RNF44: variants seen among roughly 807,000 people sequenced by gnomAD.
RNF44 encodes ring finger protein 44.
A neutral mutation model predicts 53.6 loss-of-function variants in RNF44; 25 were observed. That is an observed-to-expected ratio of 0.47 (90% CI 0.34 to 0.65). RNF44 has a LOEUF of 0.65. Among genes scored for constraint, RNF44 ranks in the 30% least tolerant of loss-of-function variants. The pLI is 0.01. For synonymous variants in RNF44, 282 were observed against 252.2 expected, an observed-to-expected ratio of 1.12 and a Z score of -1.12; for missense variants, 581 against 595.5, an observed-to-expected ratio of 0.98 and a Z score of 0.25.
chr5:176,541,172 A>G (rs535152184), upstream of RNF44, among the ~76,000 whole-genome samples: 17 of 152,300 alleles, frequency 1.1e-4, no homozygotes, highest in African/African-American at 4.1e-4. Context: ...CTGCTCTGGC[A>G]TCTGCTGTGA....
chr5:176,533,280 G>T (rs1267307383), intron 1 of RNF44, among the ~76,000 whole-genome samples: 1 of 152,150 alleles, frequency 6.6e-6, no homozygotes. Flanking sequence ...TGCCCTCGGG[G>T]GCTTCCAGTC....
At chr5:176,532,239 C>T (rs777323418) in intron 2 of RNF44, 46 bp from the exon 3 acceptor site, 65 of 1,497,180 alleles carry the variant, frequency 4.3e-5, no homozygotes, top group East Asian at 3.2e-4. Context: ...GGGGGCCACT[C>T]GTGCACAGAG....
chr5:176,529,211 G>A, intron 10 of RNF44, 77 bp downstream of exon 10: 1 of 1,553,254 alleles, frequency 6.4e-7, no homozygotes. Flanking sequence ...CAAGGACAAG[G>A]AGGGAAACAG....
chr5:176,529,960 A>AG (rs1382579723), intron 7 of RNF44, 122 bp downstream of exon 7: 3 of 1,391,568 alleles, frequency 2.2e-6, no homozygotes, highest in African/African-American at 2.9e-5. Flanking sequence ...TGTCAGGTTA[A>AG]GGGGGGAACG....
rs767749902 is a variant in RNF44, at chr5:176,531,600, T to C, written c.328A>G (p.Thr110Ala). Reference sequence around the variant, plus strand: ...CCTTGGGTCGTCACTGTGGTGACCGTGTAGGACAGAGGGACAGGTCCCTGG... The same window carrying C: ...CCTTGGGTCGTCACTGTGGTGACCGCGTAGGACAGAGGGACAGGTCCCTGG... ...VHQGPVPLSY[T>A]VTTVTTQGFP... is the part of the protein sequence containing the mutation. Residue 110 changes from threonine (T) to alanine (A), a missense_variant, in exon 4 of 11, where the codon ACG (threonine) becomes GCG (alanine). Thr to Ala is a moderately conservative substitution (Grantham distance 58). Coordinates refer to ENST00000274811, the MANE Select transcript of RNF44 (RefSeq NM_014901.5). This position sits in a 1 kb window ranked among gnomAD's most constrained non-coding sequence, Gnocchi z 4.2. 12 of 1,613,218 alleles carry C rather than the reference T, an allele frequency of 7.4e-6. No homozygotes were observed. The highest frequency in any genetic ancestry group is 1.6e-4 in the Middle Eastern group (1 of 6,078).
upstream of RNF44, chr5:176,542,898 G>A (rs1295897602): frequency 1.3e-5 from 2 of 152,210 alleles, no homozygotes; most frequent in African/African-American, 4.8e-5. Context: ...GGACGGACAT[G>A]GCGAGGCCAA....
At position 176,531,123 on chromosome 5, in the gene RNF44, G is replaced by C. The variant is rs1181207935; in HGVS notation, c.466-102C>G. ...AAGGCCCCCACCGGGCACACACCCA[G>C]CAGCTCCAGGGTCTGTATAAGAAAC... On this transcript the variant is annotated intron_variant, in intron 4 of 10. Coordinates refer to ENST00000274811, the MANE Select transcript of RNF44 (RefSeq NM_014901.5). This position sits in a 1 kb window ranked among gnomAD's most constrained non-coding sequence, Gnocchi z 4.2. The C allele has an allele frequency of 1.2e-6, 1 of 823,040 alleles. No individual in the cohort carries two copies. The highest frequency in any genetic ancestry group is 1.8e-5 in the African/African-American group (1 of 56,556). The allele number at this position is 823,040 out of a possible 1,614,324, so 51.0% of individuals were successfully genotyped here.
Position 176,529,552 on chromosome 5 carries a change from G to C in RNF44, c.1107C>G (p.Asn369Lys). ...TCTGCTCCGACTGATGGCTGTCCGG[G>C]TTAAAGCGGTACGACGGGAGCTGCT... ...DIEQLPSYRF[N>K]PDSHQSEQTL... The change falls in exon 9 of 11, where the codon AAC (asparagine) becomes AAG (lysine). Residue 369 changes from asparagine to lysine, a missense_variant. Transcript: ENST00000274811. The C allele has an allele frequency of 6.2e-7, 1 of 1,614,066 alleles. No individual in the cohort carries two copies. Among genetic ancestry groups the C allele is most frequent in the Non-Finnish European group, 8.5e-7 (1 of 1,180,014 alleles).
chr5:176,531,853 C>G lies in RNF44; in HGVS notation c.297+151G>C. 4 of 944,778 alleles carry G rather than the reference C, an allele frequency of 4.2e-6. No individual in the cohort carries two copies. The highest frequency in any genetic ancestry group is 1.6e-6 in the Non-Finnish European group (1 of 641,094). The allele number at this position is 944,778 out of a possible 1,614,324, so 58.5% of individuals were successfully genotyped here. On this transcript the variant is annotated intron_variant, in intron 3 of 10. Transcript: ENST00000274811. This position sits in a 1 kb window ranked among gnomAD's most constrained non-coding sequence, Gnocchi z 4.2. ...TAGTCACCCAGTGTGGCCCTTTCCCCGGGCCTCAGTTTACCTACCTGTAAA... is the reference window on the plus strand; with the variant it reads ...TAGTCACCCAGTGTGGCCCTTTCCCGGGGCCTCAGTTTACCTACCTGTAAA...
Position 176,530,900 on chromosome 5 carries a change from TG to T in RNF44, c.586del (p.His196ThrfsTer77). 1.0e-5 allele frequency: 1 copy of T among 96,368 alleles called. No homozygotes were observed. Among genetic ancestry groups the T allele is most frequent in the Non-Finnish European group, 1.9e-5 (1 of 53,384 alleles). 6.0% of individuals were successfully genotyped at this position (96,368 alleles called of 1,614,324 possible). A position where few individuals can be genotyped will look rare whatever the true frequency, so the allele number is the denominator to read the frequency against. On this transcript the variant is annotated frameshift_variant, in exon 5 of 11. Transcript: ENST00000274811. LOFTEE classifies it high-confidence loss of function. ...PPPAPPPQPT[H>X]MAPLGQFVSL... ...CACAAACTGCCCCAGGGGCGCCATG[TG>T]GGTGGGCTGGGGGGGTGGGGCCGGT...
chr5:176,541,255 C>T (rs895728808), upstream of RNF44, among the ~76,000 whole-genome samples: 5 of 152,294 alleles, frequency 3.3e-5, no homozygotes, highest in South Asian at 2.1e-4. Flanking sequence ...ATCCTCTCCT[C>T]ATCATGTTCT....
chr5:176,541,372 C>T (rs1235305861), upstream of RNF44, among the ~76,000 whole-genome samples: 1 of 152,184 alleles, frequency 6.6e-6, no homozygotes, highest in African/African-American at 2.4e-5. Context: ...ATCCCATTCT[C>T]ATCTCACATT....
In RNF44 at chr5:176,528,801, T is replaced by TGGCGGGCG; in HGVS notation, c.*219_*226dup. ...GATCAGGGACACTCAGGCAGCTCCG[T>TGGCGGGCG]GGCGGGCGGGCAGGCAGGCAGACTA... On this transcript the variant is annotated 3_prime_UTR_variant, in exon 11 of 11. Transcript: ENST00000274811. 2 of 585,012 alleles carry TGGCGGGCG rather than the reference T, an allele frequency of 3.4e-6. No individual in the cohort carries two copies. The highest frequency in any genetic ancestry group is 6.1e-6 in the Non-Finnish European group (2 of 329,544). 36.2% of individuals were successfully genotyped at this position (585,012 alleles called of 1,614,324 possible).
At chr5:176,535,436 A>G (rs1011399973) in intron 1 of RNF44, among the ~76,000 whole-genome samples, 1 of 152,200 alleles carries the variant, frequency 6.6e-6, no homozygotes, top group Non-Finnish European at 1.5e-5. Flanking sequence ...AGCTGGTAAG[A>G]GTGGATCCTG....
rs754599046 is a variant in RNF44 at position 176,530,135 on chromosome 5, C to T, written c.873G>A (p.Pro291=). 1.6e-4 allele frequency: 80 copies of T among 494,576 alleles called. No homozygotes were observed. In the African/African-American group the frequency reaches 3.5e-3, roughly 21 times the overall value. The allele number at this position is 494,576 out of a possible 1,614,324, so 30.6% of individuals were successfully genotyped here. The change falls in exon 7 of 11, where the codon CCG becomes CCA. Residue 291 remains proline (P), a synonymous_variant. Coordinates refer to ENST00000274811, the MANE Select transcript of RNF44 (RefSeq NM_014901.5). ...AGGGTGGTGGGGGTGGGGGTGGGGG[C>T]GGCGGGGGCAGTGGCTGCTGCAGGC... The part of the protein sequence containing the change: ...RYRLQQPLPP[P]PPPPPPPPYY...
At position 176,529,564 on chromosome 5, in the gene RNF44, C is replaced by T. The variant is rs200485021; in HGVS notation, c.1095G>A (p.Ser365=). ...GATGGCTGTCCGGGTTAAAGCGGTA[C>T]GACGGGAGCTGCTCTATGTCTGCTT... ...LTKADIEQLP[S]YRFNPDSHQS... is the part of the protein sequence containing the mutation. Residue 365 remains serine (S), a synonymous_variant, in exon 9 of 11, where the codon TCG becomes TCA. Transcript: ENST00000274811. The T allele has an allele frequency of 1.5e-4, 238 of 1,614,010 alleles. 2 individuals carry two copies. The South Asian group carries it at 2.2e-3, about 15-fold the overall frequency.
chr5:176,543,050 G>A, the RNF44 span, among the ~76,000 whole-genome samples: 1 of 151,902 alleles, frequency 6.6e-6, no homozygotes, highest in Non-Finnish European at 1.5e-5. The surrounding 1 kb of genome is among the most constrained non-coding windows in gnomAD (Gnocchi z 4.0). Context: ...CCCCGAGTTG[G>A]GGCGTTTGGA....
chr5:176,530,680 T>G lies in RNF44; in HGVS notation c.703A>C (p.Thr235Pro). 3 of 1,542,586 alleles carry G rather than the reference T, an allele frequency of 1.9e-6. No individual in the cohort carries two copies. Among genetic ancestry groups the G allele is most frequent in the Non-Finnish European group, 1.7e-6 (2 of 1,147,342 alleles). Residue 235 changes from threonine (T) to proline (P), a missense_variant, in exon 6 of 11, where the codon ACC becomes CCC. Transcript: ENST00000274811. Reference protein sequence around the residue: ...RGDQPSLGSFTYSTSAPGPAL... With the variant: ...RGDQPSLGSFPYSTSAPGPAL... ...GGGCCAGGCGCAGAGGTGGAGTAGG[T>G]GAAGCTGCCCAGGGAGGGCTGGTCC...
chr5:176,529,204 G>A (rs1486495591), intron 10 of RNF44, 84 bp downstream of exon 10: 2 of 1,548,918 alleles, frequency 1.3e-6, no homozygotes, highest in Non-Finnish European at 1.8e-6. Context: ...ATGATGACAA[G>A]GACAAGGAGG....
Sources: allele counts gnomAD v4.1 joint callset (sites outside exome capture counted in the v4.1 genomes callset), GRCh38; gene constraint gnomAD v4.1.1; non-coding constraint Gnocchi (gnomAD v3.1); transcripts MANE v1.5; gene names NCBI Gene and HGNC (gene_info 2026-07-23, HGNC 2026-07-21).